Variants in KDM6A observed in about 807,000 individuals in gnomAD.
The protein encoded by KDM6A is lysine-specific demethylase 6A.
A neutral mutation model predicts 117.6 loss-of-function variants in KDM6A; 11 were observed. The observed-to-expected ratio is 0.09, with a 90% CI of 0.06 to 0.15. KDM6A has a LOEUF of 0.15. Among genes scored for constraint, KDM6A ranks in the 10% least tolerant of loss-of-function variants. The pLI is 1.00. For synonymous variants in KDM6A, 384 were observed against 396.1 expected (o/e 0.97, Z 0.36); for missense variants, 799 against 1,077.3 (o/e 0.74, Z 3.62).
intron 2 of KDM6A, among the ~76,000 whole-genome samples, chrX:44,874,229 C>G (rs1286347796): frequency 8.9e-6 from 1 of 111,797 alleles, no homozygotes; most frequent in Non-Finnish European, 1.9e-5. Flanking sequence ...GGGCCGGGCT[C>G]AACTGGGTCG....
chrX:44,923,377 T>C (rs1263982580), intron 2 of KDM6A, among the ~76,000 whole-genome samples: 1 of 109,111 alleles, frequency 9.2e-6, no homozygotes, highest in African/African-American at 3.3e-5. Context: ...ATTCTAATTA[T>C]ATGTTTATCA....
At chrX:44,972,778 G>A (rs1569494120) in intron 3 of KDM6A, among the ~76,000 whole-genome samples, 1 of 111,653 alleles carries the variant, frequency 9.0e-6, no homozygotes, top group Non-Finnish European at 1.9e-5. Flanking sequence ...GCTCACACCT[G>A]TAATCCCACA....
chrX:44,996,657 C>G (rs1410872633), intron 4 of KDM6A, among the ~76,000 whole-genome samples: 1 of 110,262 alleles, frequency 9.1e-6, no homozygotes, highest in Admixed American at 9.6e-5. Flanking sequence ...GTAATTCAGA[C>G]TATAATAAGG....
chrX:44,959,665 A>G (rs754789324), intron 2 of KDM6A, among the ~76,000 whole-genome samples: 3 of 111,377 alleles, frequency 2.7e-5, no homozygotes, highest in South Asian at 3.7e-4. Flanking sequence ...GTATCCCAAT[A>G]ATGTTATGAA....
chrX:44,874,719 A>G (rs1423503978), intron 2 of KDM6A, among the ~76,000 whole-genome samples: 1 of 93,991 alleles, frequency 1.1e-5, no homozygotes, highest in Admixed American at 1.3e-4. Flanking sequence ...ACTGTCATTT[A>G]GTTAAGTAAT....
chrX:44,985,644 C>T (rs891766204), intron 4 of KDM6A, among the ~76,000 whole-genome samples: 5 of 111,467 alleles, frequency 4.5e-5, no homozygotes, highest in African/African-American at 1.6e-4. Flanking sequence ...TGTCAAAGGC[C>T]TTTTCTGCAT....
At position 45,082,595 on chromosome X, in the gene KDM6A, GTCA is replaced by G; in HGVS notation, c.3325_3327del (p.His1109del). The G allele has an allele frequency of 2.5e-6, 3 of 1,193,225 alleles. No homozygotes were observed. Among genetic ancestry groups the G allele is most frequent in the Non-Finnish European group, 2.3e-6 (2 of 880,199 alleles). ...CTATAGGAAGAAAATGAAAAAAGAA[GTCA>G]TCATAAAGACCACTCAGATAGTGAA... On this transcript the variant is annotated inframe_deletion, in exon 22 of 30. Coordinates refer to ENST00000611820, the MANE Select transcript of KDM6A (RefSeq NM_001291415.2).
At chrX:45,062,592 G>C in intron 15 of KDM6A, 55 bp from the exon 16 acceptor site, 1 of 919,417 alleles carries the variant, frequency 1.1e-6, no homozygotes, top group Non-Finnish European at 1.6e-6. Flanking sequence ...TTAGAATAAT[G>C]ATCTTATTTC....
rs1569525834 is a variant in KDM6A at position 45,034,997 on chromosome X, T to TA, written c.619+14dup. On this transcript the variant is annotated intron_variant, in intron 7 of 29. Coordinates refer to ENST00000611820, the MANE Select transcript of KDM6A (RefSeq NM_001291415.2). ...GTCCAATGCTGAAAGTAAGTATTAT[T>TA]AAGTACTGTAGTTTTCTACATGTAT... 2 of 1,134,810 alleles carry TA rather than the reference T, an allele frequency of 1.8e-6. No homozygotes were observed. Among genetic ancestry groups the TA allele is most frequent in the Non-Finnish European group, 1.2e-6 (1 of 825,369 alleles). 93.5% of individuals were successfully genotyped at this position (1,134,810 alleles called of 1,213,427 possible).
intron 7 of KDM6A, among the ~76,000 whole-genome samples, chrX:45,036,273 A>G (rs2042810857): frequency 9.0e-6 from 1 of 111,660 alleles, no homozygotes. Flanking sequence ...ATAGAGAGAT[A>G]TTAGTGAAAA....
Position 45,020,743 on chromosome X carries a change from GT to G in KDM6A, c.564+19del, listed in dbSNP as rs1569521755. ...GTCTAGTTTAAAGGTAGGTTGTTGG[GT>G]TTTTTCAAGATACAATGTTTAATTT... On this transcript the variant is annotated intron_variant, in intron 6 of 29. Transcript: ENST00000611820. 8.3e-7 allele frequency: 1 copy of G among 1,202,380 alleles called. No homozygotes were observed. Among genetic ancestry groups the G allele is most frequent in the Non-Finnish European group, 1.1e-6 (1 of 888,802 alleles).
intron 8 of KDM6A, among the ~76,000 whole-genome samples, chrX:45,043,529 C>T (rs1487957239): frequency 1.8e-5 from 2 of 111,059 alleles, no homozygotes; most frequent in African/African-American, 6.6e-5. Flanking sequence ...GTAATCCCAG[C>T]ACTTTGGGAG....
chrX:45,051,198 CGT>C (rs1475673249), intron 8 of KDM6A, among the ~76,000 whole-genome samples: 3 of 110,752 alleles, frequency 2.7e-5, no homozygotes, highest in Non-Finnish European at 3.8e-5. Flanking sequence ...TTAGTAGAGA[CGT>C]GGTTTCACTA....
At chrX:44,999,512 G>T (rs1373040318) in intron 4 of KDM6A, among the ~76,000 whole-genome samples, 2 of 111,305 alleles carry the variant, frequency 1.8e-5, no homozygotes, top group African/African-American at 6.5e-5. Flanking sequence ...ATGAGTCAGG[G>T]TAGAGTAGGT....
At position 44,980,784 on chromosome X, in the gene KDM6A, C is replaced by G. The variant is rs1464945729; in HGVS notation, c.384+6069C>G. ...TTTTGTTTTCTTATTTGTGGATGCC[C>G]GTTAGTTTTTTTCTTGCCTTGTTCA... On this transcript the variant is annotated intron_variant, in intron 4 of 29. Transcript: ENST00000611820. Among the ~76,000 whole-genome samples, 3 of 107,000 alleles carry G rather than the reference C, an allele frequency of 2.8e-5. No homozygotes were observed. The South Asian group carries it at 1.3e-3, about 45-fold the overall frequency. The allele number at this position is 107,000 out of a possible 115,157, so 92.9% of individuals were successfully genotyped here.
chrX:45,032,493 T>A (rs1436909837), intron 6 of KDM6A, among the ~76,000 whole-genome samples: 10 of 112,220 alleles, frequency 8.9e-5, no homozygotes, highest in Admixed American at 4.7e-4. Flanking sequence ...TTAGTAATTA[T>A]TCTGTAAGTT....
chrX:45,090,053 A>C, intron 26 of KDM6A, 123 bp downstream of exon 26: 4 of 525,577 alleles, frequency 7.6e-6, no homozygotes, highest in Non-Finnish European at 9.2e-6. Flanking sequence ...CTTGCATAGA[A>C]TTGTAATTCG....
At chrX:45,031,500 G>A (rs2042600268) in intron 6 of KDM6A, among the ~76,000 whole-genome samples, 1 of 111,852 alleles carries the variant, frequency 8.9e-6, no homozygotes, top group African/African-American at 3.3e-5. Context: ...GAATAGTGTG[G>A]TTTAACTCTG....
At chrX:44,877,248 TA>T (rs1172680830) in intron 2 of KDM6A, among the ~76,000 whole-genome samples, 1 of 111,545 alleles carries the variant, frequency 9.0e-6, no homozygotes, top group Non-Finnish European at 1.9e-5. Flanking sequence ...CCATTTGATA[TA>T]CAATGCCTGG....
Sources: allele counts gnomAD v4.1 joint callset (sites outside exome capture counted in the v4.1 genomes callset), GRCh38; gene constraint gnomAD v4.1.1; transcripts MANE v1.5; gene names NCBI Gene and HGNC (gene_info 2026-07-23, HGNC 2026-07-21).